Variants in VPS13A observed in about 807,000 individuals in gnomAD.
VPS13A encodes the protein intermembrane lipid transfer protein VPS13A.
In VPS13A, 264 loss-of-function variants were observed where a neutral mutation model predicts 390.9. The observed-to-expected ratio is 0.68, with a 90% CI of 0.61 to 0.75. VPS13A has a LOEUF of 0.75. Among genes scored for constraint, VPS13A ranks in the 30% least tolerant of loss-of-function variants. The probability of loss-of-function intolerance (pLI) is 0.00; values close to 1 mark genes in which losing one functional copy is unlikely to be tolerated. For missense variants in VPS13A, 3,409 were observed against 3,733.9 expected, an observed-to-expected ratio of 0.91 and a Z score of 2.27; for synonymous variants, 1,231 against 1,227.1, an observed-to-expected ratio of 1.00 and a Z score of -0.07.
intron 32 of VPS13A, among the ~76,000 whole-genome samples, chr9:77,295,231 A>G (rs550248172): frequency 3.3e-5 from 5 of 152,058 alleles, no homozygotes; most frequent in Admixed American, 1.3e-4. Flanking sequence ...CTGAGGTTGT[A>G]TAGAGAAATA....
chr9:77,400,354 A>C (rs1369459899), intron 68 of VPS13A, among the ~76,000 whole-genome samples: 2 of 150,000 alleles, frequency 1.3e-5, no homozygotes, highest in Non-Finnish European at 2.9e-5. Flanking sequence ...AAATGACTCT[A>C]TATCTCTGTA....
chr9:77,238,050 T>C lies in VPS13A; in HGVS notation c.1644T>C (p.Asn548=). The C allele has an allele frequency of 6.2e-7, 1 of 1,613,504 alleles. No homozygotes were observed. The highest frequency in any genetic ancestry group is 8.5e-7 in the Non-Finnish European group (1 of 1,179,602). The stretch of plus-strand genomic sequence containing the variant: ...TTCATATTACTGGCTTACCAGATAA[T>C]TCAGAAAAACCCCGCCTCCTGTCTT... The part of the protein sequence containing the change: ...DSFHITGLPD[N]SEKPRLLSSL... Residue 548 remains asparagine, a synonymous_variant, in exon 18 of 72, where the codon AAT becomes AAC. Transcript: ENST00000360280.
intron 3 of VPS13A, among the ~76,000 whole-genome samples, chr9:77,204,687 C>T (rs1319508075): frequency 6.6e-6 from 1 of 152,112 alleles, no homozygotes. Flanking sequence ...AGGGCAGTAG[C>T]ATGATCATGG....
chr9:77,198,713 G>C (rs1282981812), intron 1 of VPS13A, among the ~76,000 whole-genome samples: 1 of 152,016 alleles, frequency 6.6e-6, no homozygotes, highest in African/African-American at 2.4e-5. Flanking sequence ...GCCCAGGCTG[G>C]AGTGCAGTGG....
intron 31 of VPS13A, among the ~76,000 whole-genome samples, chr9:77,286,425 C>T (rs77093751): frequency 2.3e-3 from 357 of 152,282 alleles, no homozygotes; most frequent in Non-Finnish European, 4.3e-3. Context: ...ATCATTTTGG[C>T]TTTTCAAAAG....
intron 68 of VPS13A, among the ~76,000 whole-genome samples, chr9:77,397,534 T>C (rs941577712): frequency 6.6e-6 from 1 of 152,172 alleles, no homozygotes; most frequent in Non-Finnish European, 1.5e-5. Flanking sequence ...AATCTTTTCA[T>C]ATTTTGCATT....
intron 17 of VPS13A, among the ~76,000 whole-genome samples, chr9:77,235,940 T>C (rs1824119377): frequency 6.6e-6 from 1 of 152,202 alleles, no homozygotes; most frequent in Non-Finnish European, 1.5e-5. Flanking sequence ...CATACAACCT[T>C]TGTTTTTCAC....
intron 42 of VPS13A, among the ~76,000 whole-genome samples, chr9:77,320,745 G>A (rs2131446880): frequency 6.6e-6 from 1 of 152,120 alleles, no homozygotes; most frequent in South Asian, 2.1e-4. Flanking sequence ...ATGAGCTCTA[G>A]GTTTATAACA....
intron 26 of VPS13A, among the ~76,000 whole-genome samples, chr9:77,279,221 G>A (rs1300027923): frequency 6.6e-6 from 1 of 152,190 alleles, no homozygotes; most frequent in African/African-American, 2.4e-5. Context: ...TTGAGTGGTG[G>A]AGGTGGCTCT....
chr9:77,329,026 C>G (rs1294196727), intron 45 of VPS13A, among the ~76,000 whole-genome samples: 4 of 152,096 alleles, frequency 2.6e-5, no homozygotes, highest in Non-Finnish European at 4.4e-5. Context: ...CTTACAAGAC[C>G]ATCAGATCTC....
intron 68 of VPS13A, among the ~76,000 whole-genome samples, chr9:77,390,854 T>C (rs900867447): frequency 6.6e-6 from 1 of 152,056 alleles, no homozygotes; most frequent in Admixed American, 6.6e-5. Flanking sequence ...TAATTCTCTT[T>C]TTTAATTCAG....
rs763891535 is a variant in VPS13A at position 77,228,177 on chromosome 9, A to G, written c.1508A>G (p.Glu503Gly). 1.9e-6 allele frequency: 3 copies of G among 1,603,270 alleles called. No individual in the cohort carries two copies. The highest frequency in any genetic ancestry group is 2.2e-5 in the East Asian group (1 of 44,518). The change falls in exon 17 of 72, where the codon GAA (glutamate) becomes GGA (glycine). Residue 503 changes from glutamate to glycine, a missense_variant. By Grantham distance (98) the Glu-to-Gly change is moderately conservative. Around this residue, in one of 5 missense-constraint regions of VPS13A, gnomAD observed 2,717 missense variants for 2,917.4 expected, o/e 0.93. Coordinates refer to ENST00000360280, the MANE Select transcript of VPS13A (RefSeq NM_033305.3). ...HLKSMSIVLR[E>G]NHQKPELVDI... The stretch of plus-strand genomic sequence containing the variant: ...AAAAGTATGTCTATTGTTCTAAGAG[A>G]AAATCATCAAAAACCTGAGCTGGTA...
At chr9:77,219,908 T>C (rs1823090228) in intron 10 of VPS13A, 46 bp from the exon 11 acceptor site, 2 of 1,598,004 alleles carry the variant, frequency 1.3e-6, no homozygotes, top group Non-Finnish European at 1.7e-6. Flanking sequence ...GCCTTGAGAC[T>C]TTGGAAATAT....
In VPS13A at chr9:77,420,766, A is replaced by G. The variant is rs1363127020; in HGVS notation, c.*4760A>G. 1.3e-5 allele frequency: 2 copies of G among 152,216 alleles called. No homozygotes were observed. Among genetic ancestry groups the G allele is most frequent in the Non-Finnish European group, 2.9e-5 (2 of 68,036 alleles). The allele number at this position is 152,216 out of a possible 1,614,324, so 9.4% of individuals were successfully genotyped here. On this transcript the variant is annotated 3_prime_UTR_variant, in exon 72 of 72. Coordinates refer to ENST00000360280, the MANE Select transcript of VPS13A (RefSeq NM_033305.3). ...CCCTGTGAGATTGGTATAATGAGAT[A>G]TCAAATAATCAGAAGTATAATTAAA...
chr9:77,396,301 C>T (rs1443344033), intron 68 of VPS13A, among the ~76,000 whole-genome samples: 1 of 152,144 alleles, frequency 6.6e-6, no homozygotes, highest in East Asian at 1.9e-4. Context: ...AGGTTATGCT[C>T]AGCTTTCCTG....
At chr9:77,269,934 A>G (rs988982952) in intron 23 of VPS13A, among the ~76,000 whole-genome samples, 1 of 152,194 alleles carries the variant, frequency 6.6e-6, no homozygotes, top group African/African-American at 2.4e-5. Flanking sequence ...TTGGTCTCAC[A>G]GAGACACCAG....
At position 77,263,077 on chromosome 9, in the gene VPS13A, A is replaced by G. The variant is rs571395846; in HGVS notation, c.2427+2853A>G. Reference sequence around the variant, plus strand: ...AGTGTAAAAGTGTTCCTGTTTTGCAACATCATCTCTAGCATCTGTTGTTTC... The same window carrying G: ...AGTGTAAAAGTGTTCCTGTTTTGCAGCATCATCTCTAGCATCTGTTGTTTC... On this transcript the variant is annotated intron_variant, in intron 23 of 71. Coordinates refer to ENST00000360280, the MANE Select transcript of VPS13A (RefSeq NM_033305.3). Among the ~76,000 whole-genome samples, 9 of 151,566 alleles carry G rather than the reference A, an allele frequency of 5.9e-5. No individual in the cohort carries two copies. The South Asian group carries it at 1.9e-3, about 32-fold the overall frequency.
chr9:77,412,128 G>A (rs1313615859), intron 71 of VPS13A, among the ~76,000 whole-genome samples: 1 of 152,084 alleles, frequency 6.6e-6, no homozygotes, highest in Non-Finnish European at 1.5e-5. Context: ...AAAAAGTCCA[G>A]GACCAGATGG....
intron 22 of VPS13A, among the ~76,000 whole-genome samples, chr9:77,259,820 G>C (rs937592521): frequency 8.5e-5 from 13 of 152,174 alleles, no homozygotes; most frequent in African/African-American, 3.1e-4. Flanking sequence ...TGTCACATGA[G>C]AAACACTTGA....
Sources: allele counts gnomAD v4.1 joint callset (sites outside exome capture counted in the v4.1 genomes callset), GRCh38; gene constraint gnomAD v4.1.1; regional missense constraint gnomAD v4.1.1; transcripts MANE v1.5; gene names NCBI Gene and HGNC (gene_info 2026-07-23, HGNC 2026-07-21).